PLEKHG2: variants seen among roughly 807,000 people sequenced by gnomAD.
PLEKHG2 encodes pleckstrin homology domain-containing family G member 2.
A neutral mutation model predicts 104.4 loss-of-function variants in PLEKHG2; 71 were observed. That is an observed-to-expected ratio of 0.68 (90% CI 0.56 to 0.83). PLEKHG2 has a LOEUF of 0.83. Ranked by LOEUF, PLEKHG2 falls within the 40% of genes least tolerant of loss-of-function variation. PLEKHG2 has a pLI of 0.00. For synonymous variants in PLEKHG2, 728 were observed against 737.0 expected, an observed-to-expected ratio of 0.99 and a Z score of 0.20; for missense variants, 1,730 against 1,809.4, an observed-to-expected ratio of 0.96 and a Z score of 0.80.
intron 2 of PLEKHG2, 36 bp downstream of exon 2, chr19:39,414,231 GCTTT>G (rs2078565767): frequency 3.9e-6 from 6 of 1,538,456 alleles, no homozygotes; most frequent in Non-Finnish European, 5.3e-6. Flanking sequence ...AGCCTGTGGG[GCTTT>G]TATTCCTTGG....
At chr19:39,423,691 G>T (rs116910532) in intron 18 of PLEKHG2, 38 bp downstream of exon 18, 2 of 1,572,134 alleles carry the variant, frequency 1.3e-6, no homozygotes, top group Admixed American at 3.6e-5. Flanking sequence ...GGTGGTCCCC[G>T]CTGGAGTAGT....
rs528994913 is a variant in PLEKHG2 at position 39,425,613 on chromosome 19, G to T, written c.*319G>T. On this transcript the variant is annotated 3_prime_UTR_variant, in exon 19 of 19. Transcript: ENST00000425673. ...CAAATCAGCGGTTCTGAAAGCTTGG[G>T]GAATCTCAGACTCCTTTGAGAATTA... is the stretch of plus-strand genomic sequence containing the variant. 5 of 412,896 alleles carry T rather than the reference G, an allele frequency of 1.2e-5. No homozygotes were observed. The Admixed American group carries it at 1.3e-4, about 11-fold the overall frequency. The allele number at this position is 412,896 out of a possible 1,614,324, so 25.6% of individuals were successfully genotyped here.
Position 39,416,383 on chromosome 19 carries a change from C to A in PLEKHG2, c.515C>A (p.Ala172Asp), listed in dbSNP as rs745680055. 1 of 1,613,238 alleles carries A rather than the reference C, an allele frequency of 6.2e-7. No individual in the cohort carries two copies. Among genetic ancestry groups the A allele is most frequent in the Non-Finnish European group, 8.5e-7 (1 of 1,179,822 alleles). Residue 172 changes from alanine to aspartate, a missense_variant, in exon 5 of 19, where the codon GCC becomes GAC. Ala to Asp is a moderately radical substitution (Grantham distance 126). Coordinates refer to ENST00000425673, the MANE Select transcript of PLEKHG2 (RefSeq NM_022835.3). This position sits in a 1 kb window ranked among gnomAD's most constrained non-coding sequence, Gnocchi z 4.5. ...LLEDLENSSS[A>D]GGIAECFVQR... is the part of the protein sequence containing the mutation. ...GAGGACTTGGAGAACAGCAGCAGCG[C>A]CGGGGGTATTGCCGAGTGCTTCGTG...
chr19:39,418,688 C>A, intron 9 of PLEKHG2, 46 bp from the exon 10 acceptor site: 1 of 1,507,384 alleles, frequency 6.6e-7, no homozygotes, highest in Non-Finnish European at 9.2e-7. Flanking sequence ...AGGGGCATCA[C>A]TGAGCCCAAG....
At position 39,422,303 on chromosome 19, in the gene PLEKHG2, C is replaced by T. The variant is rs768458089; in HGVS notation, c.1677+15C>T. ...GAGATCCAGGGGTGAGCTGGCTGTC[C>T]CATCATGGTGTCCTTGGGCCTCTGG... is the stretch of plus-strand genomic sequence containing the variant. On this transcript the variant is annotated intron_variant, in intron 17 of 18. Coordinates refer to ENST00000425673, the MANE Select transcript of PLEKHG2 (RefSeq NM_022835.3). 2.5e-6 allele frequency: 4 copies of T among 1,605,944 alleles called. No homozygotes were observed. Among genetic ancestry groups the T allele is most frequent in the Non-Finnish European group, 8.5e-7 (1 of 1,176,184 alleles).
In PLEKHG2 at chr19:39,423,641, C is replaced by G. The variant is rs1338305167; in HGVS notation, c.2587C>G (p.Gln863Glu). Residue 863 changes from glutamine (Q) to glutamate (E), a missense_variant, in exon 18 of 19, where the codon CAG becomes GAG. Transcript: ENST00000425673. ...GCCATCCCCCTGTCTGCCCCAGGAG[C>G]AGGCAGAGCCAGGTGAGGTCCGGGT... ...PQPSPCLPQE[Q>E]AEPGLLPAFG... 6.5e-7 allele frequency: 1 copy of G among 1,538,178 alleles called. No homozygotes were observed. The highest frequency in any genetic ancestry group is 1.4e-5 in the African/African-American group (1 of 72,576).
chr19:39,422,615 G>A (rs190581801), intron 17 of PLEKHG2, 117 bp from the exon 18 acceptor site: 28 of 1,307,202 alleles, frequency 2.1e-5, no homozygotes, highest in East Asian at 1.0e-4. Flanking sequence ...TCTCGAACTC[G>A]TAACCTCAAG....
chr19:39,417,303 C>G (rs1048714722), intron 7 of PLEKHG2, among the ~76,000 whole-genome samples: 2 of 152,098 alleles, frequency 1.3e-5, no homozygotes, highest in African/African-American at 4.8e-5. Context: ...CAGGCGCACA[C>G]CACCATGCCC....
At chr19:39,420,567 A>G in intron 11 of PLEKHG2, 59 bp from the exon 12 acceptor site, 1 of 1,610,818 alleles carries the variant, frequency 6.2e-7, no homozygotes, top group Non-Finnish European at 8.5e-7. Context: ...TGCTTAAAGT[A>G]TCCTCTCTGT....
At chr19:39,422,660 A>G in intron 17 of PLEKHG2, 72 bp from the exon 18 acceptor site, 1 of 1,481,668 alleles carries the variant, frequency 6.7e-7, no homozygotes, top group Non-Finnish European at 8.9e-7. Context: ...AAGTGCTGGG[A>G]TTACAGGCGT....
Position 39,417,927 on chromosome 19 carries a change from G to A in PLEKHG2, c.905G>A (p.Gly302Asp). 6.5e-7 allele frequency: 1 copy of A among 1,542,536 alleles called. No individual in the cohort carries two copies. Among genetic ancestry groups the A allele is most frequent in the Non-Finnish European group, 8.7e-7 (1 of 1,145,548 alleles). Residue 302 changes from glycine to aspartate, a missense_variant, in exon 9 of 19, where the codon GGC becomes GAC. Transcript: ENST00000425673. ...RLQEVQRRLG[G>D]WTGPELSAFG... ...CAGGAAGTGCAGCGGCGGCTGGGTG[G>A]CTGGACCGGACCAGAGCTCAGTGCT...
rs1356435184 is a variant in PLEKHG2 at position 39,422,936 on chromosome 19, A to G, written c.1882A>G (p.Ser628Gly). 7.4e-6 allele frequency: 12 copies of G among 1,613,340 alleles called. No homozygotes were observed. In the African/African-American group the frequency reaches 8.0e-5, roughly 11 times the overall value. The change falls in exon 18 of 19, where the codon AGC becomes GGC. Residue 628 changes from serine (S) to glycine (G), a missense_variant. Physicochemically the swap from Ser to Gly is moderately conservative, Grantham distance 56. Coordinates refer to ENST00000425673, the MANE Select transcript of PLEKHG2 (RefSeq NM_022835.3). ...LESSIAAEMP[S>G]IPCLTKIPDV... is the part of the protein sequence containing the mutation. ...AAGTTCCATTGCAGCTGAAATGCCC[A>G]GCATTCCCTGCCTTACCAAAATTCC...
chr19:39,421,349 A>AGGG, intron 16 of PLEKHG2, 50 bp downstream of exon 16: 10 of 1,588,628 alleles, frequency 6.3e-6, no homozygotes, highest in Non-Finnish European at 8.6e-6. Context: ...TCTGGGTCTG[A>AGGG]TGGAGAAGGG....
chr19:39,423,524 T>C lies in PLEKHG2; in HGVS notation c.2470T>C (p.Tyr824His). The change falls in exon 18 of 19, where the codon TAC (tyrosine) becomes CAC (histidine). Residue 824 changes from tyrosine to histidine, a missense_variant. Tyr to His is a moderately conservative substitution (Grantham distance 83). Transcript: ENST00000425673. ...ASRVRELARL[Y>H]SERIQQMQRA... is the part of the protein sequence containing the mutation. ...CCGAGTGCGAGAGCTGGCCCGGCTT[T>C]ACAGCGAGCGGATCCAGCAGATGCA... 1 of 1,569,074 alleles carries C rather than the reference T, an allele frequency of 6.4e-7. No individual in the cohort carries two copies. The highest frequency in any genetic ancestry group is 8.6e-7 in the Non-Finnish European group (1 of 1,156,114).
rs774687398 is a variant in PLEKHG2, at chr19:39,425,305, G to C, written c.*11G>C. On this transcript the variant is annotated 3_prime_UTR_variant, in exon 19 of 19. Coordinates refer to ENST00000425673, the MANE Select transcript of PLEKHG2 (RefSeq NM_022835.3). ...CCCTTCCACATGTGAGCCAGGACAT[G>C]AGGCTTCCCTGAAGCAAGGATTTCA... 6.3e-7 allele frequency: 1 copy of C among 1,595,950 alleles called. No individual in the cohort carries two copies. The highest frequency in any genetic ancestry group is 1.1e-5 in the South Asian group (1 of 88,554).
In PLEKHG2 at chr19:39,424,532, G is replaced by A. The variant is rs1048407558; in HGVS notation, c.3399G>A (p.Gln1133=). The A allele has an allele frequency of 1.9e-6, 3 of 1,613,930 alleles. No homozygotes were observed. Among genetic ancestry groups the A allele is most frequent in the African/African-American group, 1.3e-5 (1 of 74,858 alleles). The change falls in exon 19 of 19, where the codon CAG becomes CAA. Residue 1133 remains glutamine (Q), a synonymous_variant. Transcript: ENST00000425673. ...CCAACGCCCCACTGTCTTTGTCCCA[G>A]GAGCTCCCAGACACTCAGGTTCCAG... ...IPANAPLSLS[Q]ELPDTQVPAT...
rs778582160 is a variant in PLEKHG2, at chr19:39,424,858, G to T, written c.3725G>T (p.Gly1242Val). The T allele has an allele frequency of 5.0e-6, 8 of 1,614,190 alleles. No individual in the cohort carries two copies. Among genetic ancestry groups the T allele is most frequent in the Non-Finnish European group, 5.9e-6 (7 of 1,180,040 alleles). Residue 1242 changes from glycine (G) to valine (V), a missense_variant, in exon 19 of 19, where the codon GGC becomes GTC. Transcript: ENST00000425673. ...ACCATGGTTTTGTCCAAACCAGGAG[G>T]CTCCTTAGCCTCTCACGTTGCCAGG... Reference protein sequence around the residue: ...QTTMVLSKPGGSLASHVARLE... With the variant: ...QTTMVLSKPGVSLASHVARLE...
Position 39,417,900 on chromosome 19 carries a change from G to T in PLEKHG2, c.883-5G>T, listed in dbSNP as rs770695734. 1.3e-6 allele frequency: 2 copies of T among 1,538,002 alleles called. No individual in the cohort carries two copies. The highest frequency in any genetic ancestry group is 1.7e-6 in the Non-Finnish European group (2 of 1,144,338). ...GCCCCGGCGCACCTGGCGGGGTCCC[G>T]GCAGGAAGTGCAGCGGCGGCTGGGT... On this transcript the variant is annotated splice_region_variant and splice_polypyrimidine_tract_variant and intron_variant, in intron 8 of 18. Transcript: ENST00000425673.
At position 39,415,428 on chromosome 19, in the gene PLEKHG2, C is replaced by G; in HGVS notation, c.468C>G (p.Tyr156Ter). ...TGTTTGCCAACATTGAGGACATCTA[C>G]GAGTTCAGCAGGTCAGGGGCAGGGG... ...GTLFANIEDI[Y>*]EFSSELLEDL... The change falls in exon 4 of 19, where the codon TAC (tyrosine) becomes TAG (stop). Residue 156 changes from tyrosine (Y) to a stop codon, truncating the protein, a stop_gained. Transcript: ENST00000425673. LOFTEE classifies it high-confidence loss of function. This position sits in a 1 kb window ranked among gnomAD's most constrained non-coding sequence, Gnocchi z 4.6. 1.2e-6 allele frequency: 2 copies of G among 1,613,996 alleles called. No individual in the cohort carries two copies. The highest frequency in any genetic ancestry group is 1.7e-6 in the Non-Finnish European group (2 of 1,179,982).
Sources: gnomAD v4.1 joint callset for allele counts (sites outside exome capture counted in the v4.1 genomes callset) on GRCh38, gnomAD v4.1.1 for gene constraint, Gnocchi (gnomAD v3.1) non-coding constraint, MANE v1.5 for transcripts, NCBI Gene and HGNC (gene_info 2026-07-23, HGNC 2026-07-21) for gene names.